FRYL: variants seen among roughly 807,000 people sequenced by gnomAD.
FRYL encodes the protein protein furry homolog-like.
FRYL carries 150 observed loss-of-function variants against 351.2 expected under a neutral mutation model. The ratio of observed to expected loss-of-function variants is 0.43; its 90% CI spans 0.37 to 0.49. The LOEUF is 0.49. FRYL is among the 20% of genes least tolerant of loss of function. The pLI is 0.00. For missense variants in FRYL, 3,036 were observed against 3,619.3 expected, an observed-to-expected ratio of 0.84 and a Z score of 4.13; for synonymous variants, 1,153 against 1,257.1, an observed-to-expected ratio of 0.92 and a Z score of 1.75.
rs375814131 is a variant in FRYL, at chr4:48,661,378, A to G, written c.-81+23295T>C. Among the ~76,000 whole-genome samples the G allele has an allele frequency of 6.6e-5, 10 of 152,336 alleles. No homozygotes were observed. In the East Asian group the frequency reaches 1.2e-3, roughly 18 times the overall value. On this transcript the variant is annotated intron_variant, in intron 3 of 63. Transcript: ENST00000358350. The stretch of plus-strand genomic sequence containing the variant: ...GAGATGAGAGACAAATAAGAGGAAC[A>G]CTACAAGCACCTCAACTTCTGCCTA...
chr4:48,594,022 A>G lies in FRYL; in HGVS notation c.1249-6T>C. 1 of 1,407,518 alleles carries G rather than the reference A, an allele frequency of 7.1e-7. No individual in the cohort carries two copies. Among genetic ancestry groups the G allele is most frequent in the Non-Finnish European group, 9.5e-7 (1 of 1,055,492 alleles). The allele number at this position is 1,407,518 out of a possible 1,614,324, so 87.2% of individuals were successfully genotyped here. ...ATTGCAAAATCCAAGCGTTCCTTAA[A>G]AAAAAAAAAATCCTTATAACTTGCT... On this transcript the variant is annotated splice_polypyrimidine_tract_variant and splice_region_variant and intron_variant, in intron 15 of 63. Coordinates refer to ENST00000358350, the MANE Select transcript of FRYL (RefSeq NM_015030.2).
At chr4:48,732,842 T>C (rs1770878322) in intron 1 of FRYL, among the ~76,000 whole-genome samples, 1 of 151,446 alleles carries the variant, frequency 6.6e-6, no homozygotes, top group South Asian at 2.1e-4. Flanking sequence ...GGTTGATGTG[T>C]GCAGCAAACC....
intron 23 of FRYL, 127 bp from the exon 24 acceptor site, chr4:48,576,349 C>T (rs146923061): frequency 3.1e-5 from 21 of 671,678 alleles, no homozygotes; most frequent in African/African-American, 1.3e-4. Flanking sequence ...TCACCCAGGC[C>T]GGAGTGCAAC....
intron 3 of FRYL, among the ~76,000 whole-genome samples, chr4:48,644,458 C>T (rs1755970291): frequency 7.1e-6 from 1 of 140,962 alleles, no homozygotes; most frequent in Non-Finnish European, 1.5e-5. Context: ...TAACAATAAT[C>T]AACTCAGTAG....
chr4:48,670,113 T>G (rs1762408547), intron 3 of FRYL, among the ~76,000 whole-genome samples: 1 of 152,136 alleles, frequency 6.6e-6, no homozygotes. Flanking sequence ...TTATACCTTT[T>G]TAGTTTTTTT....
In FRYL at chr4:48,548,804, T is replaced by C. The variant is rs761312690; in HGVS notation, c.4785-11A>G. Reference sequence around the variant, plus strand: ...ACTGCTATGTTACACCTATGACAAATAAGAGTTTCATTAACGTTTTACTAG... The same window carrying C: ...ACTGCTATGTTACACCTATGACAAACAAGAGTTTCATTAACGTTTTACTAG... On this transcript the variant is annotated splice_polypyrimidine_tract_variant and intron_variant, in intron 39 of 63. Transcript: ENST00000358350. The C allele has an allele frequency of 1.3e-6, 2 of 1,497,930 alleles. No individual in the cohort carries two copies. The highest frequency in any genetic ancestry group is 2.3e-5 in the East Asian group (1 of 43,798). 92.8% of individuals were successfully genotyped at this position (1,497,930 alleles called of 1,614,324 possible).
intron 1 of FRYL, among the ~76,000 whole-genome samples, chr4:48,715,812 G>A (rs1273408647): frequency 2.0e-5 from 3 of 152,176 alleles, no homozygotes; most frequent in South Asian, 2.1e-4. Context: ...AGCCCGCATC[G>A]CCAAGTCAAT....
chr4:48,565,115 G>A, intron 29 of FRYL, 72 bp from the exon 30 acceptor site: 2 of 764,998 alleles, frequency 2.6e-6, no homozygotes, highest in Non-Finnish European at 4.3e-6. Context: ...AATGAGAAGA[G>A]GCAAAATACT....
At chr4:48,507,062 CTT>C (rs1201258294) in intron 59 of FRYL, among the ~76,000 whole-genome samples, 1 of 152,156 alleles carries the variant, frequency 6.6e-6, no homozygotes, top group African/African-American at 2.4e-5. Context: ...TATTTATACA[CTT>C]AATTATGCCT....
At chr4:48,513,988 T>C (rs1449798669) in intron 56 of FRYL, among the ~76,000 whole-genome samples, 2 of 152,172 alleles carry the variant, frequency 1.3e-5, no homozygotes, top group Non-Finnish European at 2.9e-5. Context: ...CATATTCAAA[T>C]CAGTAATATG....
intron 1 of FRYL, among the ~76,000 whole-genome samples, chr4:48,779,399 G>A (rs1482835636): frequency 6.6e-6 from 1 of 152,196 alleles, no homozygotes; most frequent in African/African-American, 2.4e-5. Flanking sequence ...TACGCCAACG[G>A]CCCGGGGCTG....
At chr4:48,651,461 C>T (rs1757693940) in intron 3 of FRYL, among the ~76,000 whole-genome samples, 2 of 152,008 alleles carry the variant, frequency 1.3e-5, no homozygotes, top group African/African-American at 4.8e-5. Flanking sequence ...CGTGACCTCC[C>T]ATGCCCAGCA....
At chr4:48,686,004 A>G (rs1765120182) in intron 2 of FRYL, among the ~76,000 whole-genome samples, 1 of 152,088 alleles carries the variant, frequency 6.6e-6, no homozygotes, top group African/African-American at 2.4e-5. Flanking sequence ...ATCCTCCTAA[A>G]GGCTGGGATT....
intron 2 of FRYL, among the ~76,000 whole-genome samples, chr4:48,702,454 TCAAAAAAAAAAAAAAAAA>T (rs1766838124): frequency 5.6e-5 from 2 of 35,810 alleles, no homozygotes; most frequent in African/African-American, 1.1e-4. Context: ...AGACTCTGTC[TCAAAAAAAAAAAAAAAAA>T]AAAAAAAAAA....
intron 2 of FRYL, among the ~76,000 whole-genome samples, chr4:48,703,536 C>T (rs149090077): frequency 1.3e-3 from 204 of 152,288 alleles, no homozygotes; most frequent in Middle Eastern, 0.01. Flanking sequence ...AGTCCAACTT[C>T]GTTTCTGCCT....
chr4:48,719,940 CG>C (rs1560312524), intron 1 of FRYL, among the ~76,000 whole-genome samples: 1 of 149,212 alleles, frequency 6.7e-6, no homozygotes, highest in Non-Finnish European at 1.5e-5. Context: ...TCACGAGGTC[CG>C]GAGATCGAGA....
intron 2 of FRYL, among the ~76,000 whole-genome samples, chr4:48,702,329 G>C (rs551727518): frequency 2.9e-4 from 44 of 151,348 alleles, no homozygotes; most frequent in African/African-American, 1.1e-3. Context: ...GGTGGTGCAT[G>C]TCTGTAATCC....
intron 1 of FRYL, among the ~76,000 whole-genome samples, chr4:48,726,926 T>C (rs2149618340): frequency 6.6e-6 from 1 of 152,330 alleles, no homozygotes; most frequent in South Asian, 2.1e-4. Context: ...ACTAGTATAT[T>C]AGTTATTTGA....
At chr4:48,606,097 GAAAAAAAAAAA>G (rs59467789) in intron 10 of FRYL, among the ~76,000 whole-genome samples, 5 of 57,544 alleles carry the variant, frequency 8.7e-5, no homozygotes, top group African/African-American at 2.6e-4. Context: ...CTCTACTAAA[GAAAAAAAAAAA>G]AAAAAAAAAA....
Sources: gnomAD v4.1 joint callset for allele counts (sites outside exome capture counted in the v4.1 genomes callset) on GRCh38, gnomAD v4.1.1 for gene constraint, MANE v1.5 for transcripts, NCBI Gene and HGNC (gene_info 2026-07-23, HGNC 2026-07-21) for gene names.